GPAM: variants seen among roughly 807,000 people sequenced by gnomAD.
The protein encoded by GPAM is glycerol-3-phosphate acyltransferase, mitochondrial.
Under a neutral mutation model 105.0 loss-of-function variants are expected in GPAM, and 56 were observed. That is an observed-to-expected ratio of 0.53 (90% CI 0.43 to 0.67). The LOEUF is 0.67. Ranked by LOEUF, GPAM falls within the 30% of genes least tolerant of loss-of-function variation. GPAM has a pLI of 0.00. For synonymous variants in GPAM, 368 were observed against 354.4 expected (o/e 1.04, Z -0.43); for missense variants, 855 against 989.8 (o/e 0.86, Z 1.83).
chr10:112,195,101 C>G (rs554058432), intron 1 of GPAM, among the ~76,000 whole-genome samples: 1 of 152,016 alleles, frequency 6.6e-6, no homozygotes, highest in African/African-American at 2.4e-5. Context: ...TACACATCAG[C>G]CAGACCGAGC....
rs999069925 is a variant in GPAM at position 112,181,731 on chromosome 10, A to G, written c.54T>C (p.His18=). The change falls in exon 3 of 22, where the codon CAT becomes CAC. Residue 18 remains histidine, a synonymous_variant. Coordinates refer to ENST00000348367, the MANE Select transcript of GPAM (RefSeq NM_001244949.2). ...LGTIDVSYLP[H]SSEYSVGRCK... is the part of the protein sequence containing the mutation. ...ATCGACCAACACTGTATTCTGATGA[A>G]TGTGGCAGATAAGAAACATCTATTG... is the stretch of plus-strand genomic sequence containing the variant. 2 of 1,611,164 alleles carry G rather than the reference A, an allele frequency of 1.2e-6. No individual in the cohort carries two copies. The highest frequency in any genetic ancestry group is 2.7e-5 in the African/African-American group (2 of 74,876).
chr10:112,172,406 A>C (rs192636096), intron 8 of GPAM, 88 bp from the exon 9 acceptor site: 498 of 959,254 alleles, frequency 5.2e-4, no homozygotes, highest in Admixed American at 2.1e-3. Context: ...AGTCACTCAA[A>C]CACTGGCTAA....
intron 21 of GPAM, 124 bp downstream of exon 21, chr10:112,154,505 T>A: frequency 1.3e-6 from 1 of 746,228 alleles, no homozygotes; most frequent in Non-Finnish European, 2.4e-6. Flanking sequence ...AATGCCTTTA[T>A]CATTAAGCCA....
upstream of GPAM, among the ~76,000 whole-genome samples, chr10:112,216,644 G>C (rs112521183): frequency 5.5e-3 from 819 of 149,324 alleles, 8 homozygotes; most frequent in African/African-American, 0.019. Context: ...TTTTTTTTGA[G>C]ACAGAGTCTC....
chr10:112,200,924 GA>G (rs1847790041), intron 1 of GPAM, among the ~76,000 whole-genome samples: 1 of 152,136 alleles, frequency 6.6e-6, no homozygotes, highest in African/African-American at 2.4e-5. Context: ...ACTGTTCAAT[GA>G]ATCAGACATA....
intron 9 of GPAM, among the ~76,000 whole-genome samples, chr10:112,169,389 A>C (rs1235049851): frequency 6.6e-6 from 1 of 152,188 alleles, no homozygotes; most frequent in Non-Finnish European, 1.5e-5. Flanking sequence ...CCTTGGGGGA[A>C]ATTTTCTCAA....
intron 10 of GPAM, 133 bp from the exon 11 acceptor site, chr10:112,168,657 T>C: frequency 1.4e-6 from 1 of 732,092 alleles, no homozygotes; most frequent in Non-Finnish European, 2.4e-6. Flanking sequence ...TTATTCACAC[T>C]AATAAAACAG....
At chr10:112,162,293 T>A (rs1847137943) in intron 14 of GPAM, among the ~76,000 whole-genome samples, 1 of 152,202 alleles carries the variant, frequency 6.6e-6, no homozygotes, top group Non-Finnish European at 1.5e-5. Flanking sequence ...TCACCTTCCT[T>A]GCTGATAAAA....
At chr10:112,210,708 C>T (rs1471363566) in intron 1 of GPAM, among the ~76,000 whole-genome samples, 3 of 152,194 alleles carry the variant, frequency 2.0e-5, no homozygotes, top group Non-Finnish European at 4.4e-5. Flanking sequence ...TTCCTTTCAT[C>T]GCCCTCTGCA....
intron 1 of GPAM, among the ~76,000 whole-genome samples, chr10:112,195,975 G>A (rs1847718846): frequency 6.6e-6 from 1 of 152,108 alleles, no homozygotes; most frequent in African/African-American, 2.4e-5. Flanking sequence ...CCACTCCCTG[G>A]GTCAGAGTAG....
chr10:112,189,848 G>A (rs1211525325), intron 1 of GPAM, among the ~76,000 whole-genome samples: 1 of 152,066 alleles, frequency 6.6e-6, no homozygotes, highest in Non-Finnish European at 1.5e-5. Flanking sequence ...ACCTCTACCT[G>A]TGTAAGCCAT....
the GPAM span, among the ~76,000 whole-genome samples, chr10:112,226,042 C>T: frequency 6.6e-6 from 1 of 152,284 alleles, no homozygotes; most frequent in South Asian, 2.1e-4. Context: ...TGTCAACAAG[C>T]TTGTATTGAG....
Position 112,150,148 on chromosome 10 carries a change from A to C in GPAM, c.*3402T>G. On this transcript the variant is annotated 3_prime_UTR_variant, in exon 22 of 22. Coordinates refer to ENST00000348367, the MANE Select transcript of GPAM (RefSeq NM_001244949.2). ...CAATCATTAGTTTGTATTAAACTAA[A>C]ATGCCAGACGGCAAGTCTCAGGTTT... 2 of 984,630 alleles carry C rather than the reference A, an allele frequency of 2.0e-6. No homozygotes were observed. Among genetic ancestry groups the C allele is most frequent in the Non-Finnish European group, 2.4e-6 (2 of 829,174 alleles). The allele number at this position is 984,630 out of a possible 1,614,324, so 61.0% of individuals were successfully genotyped here. A position where few individuals can be genotyped will look rare whatever the true frequency, so the allele number is the denominator to read the frequency against.
At chr10:112,168,067 G>A (rs1001611260) in intron 11 of GPAM, among the ~76,000 whole-genome samples, 5 of 152,072 alleles carry the variant, frequency 3.3e-5, no homozygotes, top group Admixed American at 2.0e-4. Flanking sequence ...GACCAAGGTC[G>A]GCACTGATAA....
At chr10:112,204,579 C>G (rs972252653) in intron 1 of GPAM, among the ~76,000 whole-genome samples, 3 of 150,896 alleles carry the variant, frequency 2.0e-5, no homozygotes, top group African/African-American at 7.3e-5. Flanking sequence ...GTTCTGACAA[C>G]AGTGTGAAAA....
intron 1 of GPAM, among the ~76,000 whole-genome samples, chr10:112,188,803 A>G (rs769903991): frequency 6.6e-6 from 1 of 152,218 alleles, no homozygotes; most frequent in Non-Finnish European, 1.5e-5. Context: ...GCAAGATATT[A>G]TGATCCTTAA....
intron 1 of GPAM, among the ~76,000 whole-genome samples, chr10:112,199,956 G>C (rs1178744623): frequency 6.6e-6 from 1 of 151,872 alleles, no homozygotes; most frequent in Non-Finnish European, 1.5e-5. Context: ...AACCATATAA[G>C]TATACATATC....
At chr10:112,215,292 G>A (rs1257294786) in exon 1 of GPAM, 1 of 152,194 alleles carries the variant, frequency 6.6e-6, no homozygotes, top group Non-Finnish European at 1.5e-5. Context: ...GTTCCTCTGG[G>A]TGCCTGTTTG....
rs374509110 is a variant in GPAM at position 112,150,216 on chromosome 10, C to T, written c.*3334G>A. On this transcript the variant is annotated 3_prime_UTR_variant, in exon 22 of 22. Transcript: ENST00000348367. ...AACAGGTTTACAGCCCATAGTAAGT[C>T]TTAGAAACCTCAACGATAGGTCCTG... 3.0e-5 allele frequency: 30 copies of T among 984,702 alleles called. No homozygotes were observed. In the East Asian group the frequency reaches 7.9e-4, roughly 26 times the overall value. 61.0% of individuals were successfully genotyped at this position (984,702 alleles called of 1,614,324 possible).
Sources: allele counts gnomAD v4.1 joint callset (sites outside exome capture counted in the v4.1 genomes callset), GRCh38; gene constraint gnomAD v4.1.1; transcripts MANE v1.5; gene names NCBI Gene and HGNC (gene_info 2026-07-23, HGNC 2026-07-21).